Variants in CLPB observed in about 807,000 individuals in gnomAD.
CLPB encodes ClpB family mitochondrial disaggregase, also known as mitochondrial disaggregase.
In CLPB, 40 loss-of-function variants were observed where a neutral mutation model predicts 78.4. The observed-to-expected ratio is 0.51, with a 90% CI of 0.40 to 0.66. The LOEUF (loss-of-function observed/expected upper bound fraction) is 0.66. CLPB is among the 30% of genes least tolerant of loss of function. The pLI is 0.00. For synonymous variants in CLPB, 333 were observed against 348.0 expected (o/e 0.96, Z 0.48); for missense variants, 780 against 886.9 (o/e 0.88, Z 1.53).
At chr11:72,413,348 T>C (rs557041585) in intron 2 of CLPB, among the ~76,000 whole-genome samples, 2 of 152,092 alleles carry the variant, frequency 1.3e-5, no homozygotes, top group East Asian at 3.9e-4. Flanking sequence ...TCATATCCTG[T>C]TTACATTTTG....
intron 4 of CLPB, among the ~76,000 whole-genome samples, chr11:72,375,251 T>A (rs1238205046): frequency 6.6e-6 from 1 of 152,208 alleles, no homozygotes; most frequent in East Asian, 1.9e-4. Context: ...CCTGTCAGAA[T>A]GGTCCATCTA....
intron 2 of CLPB, among the ~76,000 whole-genome samples, chr11:72,407,045 A>G (rs1030532619): frequency 3.3e-5 from 5 of 152,024 alleles, no homozygotes; most frequent in African/African-American, 1.2e-4. Flanking sequence ...GTGTGTCCAC[A>G]TTTTCTTTCT....
intron 5 of CLPB, among the ~76,000 whole-genome samples, chr11:72,334,243 G>A (rs1030843372): frequency 4.6e-5 from 7 of 152,178 alleles, no homozygotes; most frequent in Admixed American, 3.9e-4. Flanking sequence ...GGATGGGATG[G>A]GGACAGGTAG....
chr11:72,294,983 AG>A (rs1330626696), intron 12 of CLPB, among the ~76,000 whole-genome samples: 1 of 152,192 alleles, frequency 6.6e-6, no homozygotes, highest in African/African-American at 2.4e-5. Flanking sequence ...CCTGACTTGG[AG>A]GAAGGGGGCT....
At chr11:72,334,609 C>T (rs1004657252) in intron 5 of CLPB, among the ~76,000 whole-genome samples, 3 of 152,278 alleles carry the variant, frequency 2.0e-5, no homozygotes, top group African/African-American at 4.8e-5. Flanking sequence ...GGGCCTCACC[C>T]GCCTGCCCTC....
At chr11:72,344,017 T>C (rs1279466843) in intron 5 of CLPB, among the ~76,000 whole-genome samples, 3 of 152,154 alleles carry the variant, frequency 2.0e-5, no homozygotes, top group Admixed American at 1.3e-4. Context: ...TGGGCAATAC[T>C]GCTCGACAAA....
At chr11:72,404,357 T>C (rs1220137264) in intron 2 of CLPB, among the ~76,000 whole-genome samples, 1 of 152,218 alleles carries the variant, frequency 6.6e-6, no homozygotes. Flanking sequence ...GGCTTGGGTT[T>C]GAATCCTAGC....
intron 2 of CLPB, among the ~76,000 whole-genome samples, chr11:72,421,991 GGC>G (rs1333260241): frequency 2.0e-5 from 3 of 152,150 alleles, no homozygotes; most frequent in African/African-American, 7.2e-5. Flanking sequence ...AAACTGGCCG[GGC>G]GTGGTGGCTC....
chr11:72,326,738 C>T (rs1213954306), intron 6 of CLPB, among the ~76,000 whole-genome samples: 1 of 152,184 alleles, frequency 6.6e-6, no homozygotes, highest in Non-Finnish European at 1.5e-5. Flanking sequence ...GGCCTGAACT[C>T]AGAGGCAGCT....
At chr11:72,358,654 C>G (rs1412499764) in intron 5 of CLPB, among the ~76,000 whole-genome samples, 1 of 152,132 alleles carries the variant, frequency 6.6e-6, no homozygotes, top group East Asian at 1.9e-4. Context: ...CACAGGAGGG[C>G]AAACCACATG....
intron 2 of CLPB, among the ~76,000 whole-genome samples, chr11:72,405,111 G>A (rs1855670833): frequency 6.6e-6 from 1 of 152,196 alleles, no homozygotes; most frequent in Admixed American, 6.5e-5. Context: ...GAAAATCAGA[G>A]GCTTCTGACG....
chr11:72,304,753 C>T (rs771087722), intron 9 of CLPB, among the ~76,000 whole-genome samples: 1 of 152,230 alleles, frequency 6.6e-6, no homozygotes, highest in South Asian at 2.1e-4. Flanking sequence ...CTAGAATTCA[C>T]ATCATCAGAC....
At chr11:72,423,746 T>C (rs1314784570) in intron 2 of CLPB, among the ~76,000 whole-genome samples, 1 of 152,178 alleles carries the variant, frequency 6.6e-6, no homozygotes, top group Non-Finnish European at 1.5e-5. Context: ...AGGACAAAAA[T>C]AAAAACTGTT....
At chr11:72,401,177 C>G (rs1266182786) in intron 3 of CLPB, among the ~76,000 whole-genome samples, 1 of 152,166 alleles carries the variant, frequency 6.6e-6, no homozygotes. Flanking sequence ...TGGTGGCTCA[C>G]GCCTGTAATC....
chr11:72,411,154 T>G (rs11828128), intron 2 of CLPB, among the ~76,000 whole-genome samples: 7,094 of 152,278 alleles, frequency 0.047, 498 homozygotes, highest in African/African-American at 0.14. Context: ...GCCATGGCAG[T>G]TGGCACACCA....
intron 5 of CLPB, among the ~76,000 whole-genome samples, chr11:72,334,308 C>T (rs780012714): frequency 2.6e-5 from 4 of 152,126 alleles, no homozygotes; most frequent in East Asian, 1.9e-4. Flanking sequence ...AGCAGTACGG[C>T]GCCTGTCTCC....
At chr11:72,317,280 T>C in intron 6 of CLPB, 60 bp from the exon 7 acceptor site, 1 of 1,272,882 alleles carries the variant, frequency 7.9e-7, no homozygotes, top group South Asian at 1.4e-5. Flanking sequence ...ATAGCTTCAC[T>C]CTATCCCCCA....
At chr11:72,394,125 T>C (rs768298934) in intron 3 of CLPB, among the ~76,000 whole-genome samples, 1 of 152,216 alleles carries the variant, frequency 6.6e-6, no homozygotes, top group African/African-American at 2.4e-5. Flanking sequence ...ATTTTACTCA[T>C]ATAGATGTCA....
intron 11 of CLPB, among the ~76,000 whole-genome samples, chr11:72,296,979 C>G (rs1247740522): frequency 6.6e-6 from 1 of 152,224 alleles, no homozygotes; most frequent in Non-Finnish European, 1.5e-5. Context: ...CTGCACCAGG[C>G]TACAGAGGTC....
Sources: gnomAD v4.1 joint callset for allele counts (sites outside exome capture counted in the v4.1 genomes callset) on GRCh38, gnomAD v4.1.1 for gene constraint, MANE v1.5 for transcripts, NCBI Gene and HGNC (gene_info 2026-07-23, HGNC 2026-07-21) for gene names.